Variants in CEP112 observed in about 807,000 individuals in gnomAD.
The protein encoded by CEP112 is centrosomal protein of 112 kDa.
In CEP112, 127 loss-of-function variants were observed where a neutral mutation model predicts 153.0. The ratio of observed to expected loss-of-function variants is 0.83; its 90% CI spans 0.72 to 0.96. The LOEUF (loss-of-function observed/expected upper bound fraction) is 0.96, where lower values mean the gene tolerates loss of function less well. CEP112 is among the 40% of genes least tolerant of loss of function. The pLI, the probability that CEP112 is intolerant of heterozygous loss-of-function variation, is 0.00. For missense variants in CEP112, 1,089 were observed against 1,101.2 expected (o/e 0.99, Z 0.16); for synonymous variants, 358 against 374.4 (o/e 0.96, Z 0.51).
intron 20 of CEP112, among the ~76,000 whole-genome samples, chr17:65,870,469 C>T (rs745664256): frequency 4.6e-5 from 7 of 152,044 alleles, no homozygotes; most frequent in Non-Finnish European, 1.0e-4. Context: ...TATGTAGAAG[C>T]ATTTATTATA....
chr17:65,886,237 T>C (rs572553080), intron 20 of CEP112, among the ~76,000 whole-genome samples: 38 of 152,160 alleles, frequency 2.5e-4, no homozygotes, highest in African/African-American at 8.7e-4. Flanking sequence ...AGAATGGAAA[T>C]GGGATAATAT....
intron 6 of CEP112, among the ~76,000 whole-genome samples, chr17:66,098,418 T>C (rs376034283): frequency 3.9e-5 from 6 of 152,352 alleles, no homozygotes; most frequent in African/African-American, 1.2e-4. Context: ...CAAAATCCCA[T>C]TGTGTTTTCA....
At chr17:65,948,759 AAG>A (rs1387346643) in intron 18 of CEP112, among the ~76,000 whole-genome samples, 1 of 152,182 alleles carries the variant, frequency 6.6e-6, no homozygotes, top group Non-Finnish European at 1.5e-5. Context: ...AAGCGAAAGA[AAG>A]AGTGTGCAGC....
At chr17:65,637,093 A>T in intron 26 of CEP112, 31 bp downstream of exon 26, 2 of 1,565,134 alleles carry the variant, frequency 1.3e-6, no homozygotes, top group South Asian at 2.2e-5. Context: ...CAAACTAATC[A>T]GGAGACAAGA....
intron 21 of CEP112, among the ~76,000 whole-genome samples, chr17:65,828,702 A>C (rs1568080072): frequency 1.3e-5 from 2 of 152,104 alleles, no homozygotes; most frequent in African/African-American, 4.8e-5. Flanking sequence ...TTGATTTATC[A>C]GTATAGTAAT....
intron 21 of CEP112, among the ~76,000 whole-genome samples, chr17:65,810,978 C>T (rs932107340): frequency 1.3e-5 from 2 of 152,122 alleles, no homozygotes; most frequent in South Asian, 2.1e-4. Flanking sequence ...CCAGTGAAAT[C>T]GAGGTCATCA....
intron 6 of CEP112, among the ~76,000 whole-genome samples, chr17:66,104,241 A>G (rs528448765): frequency 2.0e-5 from 3 of 152,236 alleles, no homozygotes; most frequent in African/African-American, 7.2e-5. Context: ...AAGAGAGGAG[A>G]GGGATGAGTA....
intron 18 of CEP112, among the ~76,000 whole-genome samples, chr17:65,954,732 G>C (rs1018405365): frequency 4.6e-5 from 7 of 152,016 alleles, no homozygotes; most frequent in Non-Finnish European, 1.0e-4. Flanking sequence ...GAAAATCTCA[G>C]TAATAGAATT....
chr17:66,069,257 C>A (rs2067225859), intron 9 of CEP112, among the ~76,000 whole-genome samples: 1 of 151,216 alleles, frequency 6.6e-6, no homozygotes, highest in Non-Finnish European at 1.5e-5. Flanking sequence ...CCATGTATTT[C>A]AAAAAAACAC....
At chr17:65,915,640 T>C (rs1212308042) in intron 19 of CEP112, among the ~76,000 whole-genome samples, 1 of 151,648 alleles carries the variant, frequency 6.6e-6, no homozygotes, top group African/African-American at 2.4e-5. Flanking sequence ...AATAAAAAAT[T>C]AGCCAGGCGT....
At position 66,053,945 on chromosome 17, in the gene CEP112, G is replaced by A. The variant is rs935348228; in HGVS notation, c.1075-66C>T. On this transcript the variant is annotated intron_variant, in intron 11 of 26. Coordinates refer to ENST00000535342, the MANE Select transcript of CEP112 (RefSeq NM_001199165.4). The stretch of plus-strand genomic sequence containing the variant: ...GAATTGACTATTTTGTAATTCAGCG[G>A]AAAAAATGGTTTCTATATTCCTCTA... The A allele has an allele frequency of 6.6e-5, 88 of 1,342,236 alleles. No homozygotes were observed. The African/African-American group carries it at 1.1e-3, about 16-fold the overall frequency. The allele number at this position is 1,342,236 out of a possible 1,614,324, so 83.1% of individuals were successfully genotyped here. A position where few individuals can be genotyped will look rare whatever the true frequency, so the allele number is the denominator to read the frequency against.
chr17:65,636,802 A>G, intron 26 of CEP112: 1 of 243,958 alleles, frequency 4.1e-6, no homozygotes. Context: ...AGTAGAGACA[A>G]CGTTTTACCA....
chr17:66,090,552 G>A (rs546634473), intron 8 of CEP112, among the ~76,000 whole-genome samples: 6 of 151,998 alleles, frequency 3.9e-5, no homozygotes, highest in East Asian at 1.9e-4. Context: ...ATAGTTGCAC[G>A]AAACATAAAA....
chr17:65,844,733 TG>T (rs2057659633), intron 21 of CEP112, among the ~76,000 whole-genome samples: 1 of 151,120 alleles, frequency 6.6e-6, no homozygotes, highest in Non-Finnish European at 1.5e-5. Context: ...TAATTACATC[TG>T]GCTGGGCGTG....
intron 18 of CEP112, among the ~76,000 whole-genome samples, chr17:65,937,616 T>TG (rs1229906479): frequency 6.4e-5 from 3 of 47,116 alleles, no homozygotes; most frequent in African/African-American, 2.3e-4. Flanking sequence ...GGGAGGGAGG[T>TG]GGGGGGGTCA....
intron 17 of CEP112, among the ~76,000 whole-genome samples, chr17:65,986,973 C>A (rs1428029137): frequency 6.6e-6 from 1 of 151,956 alleles, no homozygotes; most frequent in African/African-American, 2.4e-5. Flanking sequence ...AAACGAAACA[C>A]CAAGACTTTA....
intron 16 of CEP112, among the ~76,000 whole-genome samples, chr17:66,017,022 T>C (rs1173241672): frequency 6.6e-6 from 1 of 152,160 alleles, no homozygotes; most frequent in Non-Finnish European, 1.5e-5. Context: ...AATTACTTGA[T>C]GTAAAGACCT....
Position 65,756,293 on chromosome 17 carries a change from C to T in CEP112, c.2395-5569G>A, listed in dbSNP as rs527824854. On this transcript the variant is annotated intron_variant, in intron 21 of 26. Coordinates refer to ENST00000535342, the MANE Select transcript of CEP112 (RefSeq NM_001199165.4). ...TGGTGGCGGAAGCCTGTAATCCCAG[C>T]GACTTGGGAGGCTGAGGCAGAATAA... 1.8e-4 allele frequency among the ~76,000 whole-genome samples: 27 copies of T among 150,650 alleles called. No homozygotes were observed. The East Asian group carries it at 4.7e-3, about 26-fold the overall frequency.
chr17:66,024,397 G>C (rs1006994247), intron 16 of CEP112, among the ~76,000 whole-genome samples: 9 of 151,934 alleles, frequency 5.9e-5, no homozygotes, highest in Admixed American at 5.9e-4. Context: ...TTGATAATAT[G>C]ATCTTATACC....
Sources: allele counts gnomAD v4.1 joint callset (sites outside exome capture counted in the v4.1 genomes callset), GRCh38; gene constraint gnomAD v4.1.1; transcripts MANE v1.5; gene names NCBI Gene and HGNC (gene_info 2026-07-23, HGNC 2026-07-21).